TMTC1: variants seen among roughly 807,000 people sequenced by gnomAD.
TMTC1 encodes protein O-mannosyl-transferase TMTC1.
TMTC1 carries 73 observed loss-of-function variants against 104.8 expected under a neutral mutation model. That is an observed-to-expected ratio of 0.70 (90% CI 0.58 to 0.85). The LOEUF is 0.85. Ranked by LOEUF, TMTC1 falls within the 40% of genes least tolerant of loss-of-function variation. The pLI is 0.00. For synonymous variants in TMTC1, 434 were observed against 428.7 expected (o/e 1.01, Z -0.15); for missense variants, 1,035 against 1,096.1 (o/e 0.94, Z 0.79).
chr12:29,571,854 G>A (rs1467140041), intron 9 of TMTC1, among the ~76,000 whole-genome samples: 1 of 152,138 alleles, frequency 6.6e-6, no homozygotes, highest in Middle Eastern at 3.2e-3. Flanking sequence ...AGTTCATCGT[G>A]TAATGTATAG....
At chr12:29,654,986 C>T (rs1485399732) in intron 5 of TMTC1, among the ~76,000 whole-genome samples, 4 of 152,092 alleles carry the variant, frequency 2.6e-5, no homozygotes, top group African/African-American at 4.8e-5. Context: ...CAGGTTCAAG[C>T]GATTCTCCTG....
intron 10 of TMTC1, among the ~76,000 whole-genome samples, chr12:29,543,986 G>A (rs1257747499): frequency 1.3e-5 from 2 of 152,166 alleles, no homozygotes; most frequent in South Asian, 4.1e-4. Context: ...GCTCATGCCT[G>A]TAATCTCAAT....
rs1227981460 is a variant in TMTC1 at position 29,588,213 on chromosome 12, T to A, written c.1251-4639A>T. Among the ~76,000 whole-genome samples, 3 of 152,226 alleles carry A rather than the reference T, an allele frequency of 2.0e-5. No homozygotes were observed. The East Asian group carries it at 5.8e-4, about 29-fold the overall frequency. On this transcript the variant is annotated intron_variant, in intron 7 of 17. Coordinates refer to ENST00000539277, the MANE Select transcript of TMTC1 (RefSeq NM_001193451.2). ...CTGGATTTGATTGCCACAGGTATCT[T>A]GCAAGAGCCTTGCACTTGTCAGAAC...
rs527910414 is a variant in TMTC1, at chr12:29,655,170, C to T, written c.939-21834G>A. Reference sequence around the variant, plus strand: ...TGCTGGGATTACAGGTGTGAGCCACCGCACCTGGCCATATGATTCCATTTC... The same window carrying T: ...TGCTGGGATTACAGGTGTGAGCCACTGCACCTGGCCATATGATTCCATTTC... On this transcript the variant is annotated intron_variant, in intron 5 of 17. Coordinates refer to ENST00000539277, the MANE Select transcript of TMTC1 (RefSeq NM_001193451.2). Among the ~76,000 whole-genome samples, 34 of 152,160 alleles carry T rather than the reference C, an allele frequency of 2.2e-4. 1 individual carries two copies. The Middle Eastern group carries it at 0.014, about 61-fold the overall frequency.
At chr12:29,689,888 C>T (rs543836545) in intron 5 of TMTC1, among the ~76,000 whole-genome samples, 1 of 152,302 alleles carries the variant, frequency 6.6e-6, no homozygotes, top group East Asian at 1.9e-4. Flanking sequence ...TAAATCTTCA[C>T]GTCTCTCTTG....
At chr12:29,763,216 G>A (rs1232019827) in intron 2 of TMTC1, among the ~76,000 whole-genome samples, 1 of 152,218 alleles carries the variant, frequency 6.6e-6, no homozygotes, top group Non-Finnish European at 1.5e-5. Flanking sequence ...TATAAAGAAT[G>A]TAGTGTCCCT....
At chr12:29,726,096 C>T (rs762660320) in intron 5 of TMTC1, among the ~76,000 whole-genome samples, 64 of 152,246 alleles carry the variant, frequency 4.2e-4, no homozygotes, top group African/African-American at 1.4e-3. Flanking sequence ...AAACATACAC[C>T]GTGTTCTGGT....
At chr12:29,732,672 A>T (rs1942575299) in intron 5 of TMTC1, among the ~76,000 whole-genome samples, 1 of 152,130 alleles carries the variant, frequency 6.6e-6, no homozygotes, top group Admixed American at 6.5e-5. Context: ...ACGGGATTTA[A>T]AAAAAATTAC....
At chr12:29,661,187 C>T (rs1244670657) in intron 5 of TMTC1, 1 of 199,594 alleles carries the variant, frequency 5.0e-6, no homozygotes, top group Non-Finnish European at 9.0e-6. Context: ...ATATCTAGAA[C>T]AGGACTCAGC....
At chr12:29,612,966 TG>T (rs1482182249) in intron 6 of TMTC1, among the ~76,000 whole-genome samples, 2 of 152,182 alleles carry the variant, frequency 1.3e-5, no homozygotes, top group African/African-American at 4.8e-5. Flanking sequence ...AGGGGTTCAA[TG>T]AATAAATTAA....
At chr12:29,720,332 G>T (rs1942203529) in intron 5 of TMTC1, among the ~76,000 whole-genome samples, 1 of 152,190 alleles carries the variant, frequency 6.6e-6, no homozygotes, top group Non-Finnish European at 1.5e-5. Flanking sequence ...TCCTGTTTCG[G>T]TGAGTTTCTC....
At chr12:29,681,896 TATGACAG>T in intron 5 of TMTC1, among the ~76,000 whole-genome samples, 1 of 152,186 alleles carries the variant, frequency 6.6e-6, no homozygotes, top group South Asian at 2.1e-4. Flanking sequence ...TTCCTTTACA[TATGACAG>T]TAATTGTTGA....
chr12:29,551,023 A>G (rs1480262065), intron 10 of TMTC1, among the ~76,000 whole-genome samples: 1 of 148,710 alleles, frequency 6.7e-6, no homozygotes, highest in Non-Finnish European at 1.5e-5. Flanking sequence ...ACAAAGATGA[A>G]GGGGAGCAAG....
chr12:29,670,922 G>A (rs1482513916), intron 5 of TMTC1, among the ~76,000 whole-genome samples: 12 of 77,674 alleles, frequency 1.5e-4, no homozygotes, highest in East Asian at 1.1e-3. Context: ...GCCACAGCAC[G>A]AGACTCTGTC....
intron 5 of TMTC1, among the ~76,000 whole-genome samples, chr12:29,673,625 T>G (rs911477409): frequency 6.6e-6 from 1 of 151,514 alleles, no homozygotes; most frequent in African/African-American, 2.4e-5. Context: ...TTAATTATAT[T>G]TATTTATATT....
chr12:29,561,852 C>T (rs927669033), intron 9 of TMTC1, among the ~76,000 whole-genome samples: 1 of 152,018 alleles, frequency 6.6e-6, no homozygotes, highest in Non-Finnish European at 1.5e-5. Context: ...ATTTTCATAC[C>T]ACACATTAAT....
At position 29,768,594 on chromosome 12, in the gene TMTC1, C is replaced by G. The variant is rs1477385143; in HGVS notation, c.303-519G>C. 2.0e-5 allele frequency among the ~76,000 whole-genome samples: 3 copies of G among 152,312 alleles called. No individual in the cohort carries two copies. In the East Asian group the frequency reaches 5.8e-4, roughly 29 times the overall value. ...CCAGGAACCAGGTTTCTAGATTATG[C>G]AGCTGGAAGCATCACCTAATTACCA... On this transcript the variant is annotated intron_variant, in intron 1 of 17. Coordinates refer to ENST00000539277, the MANE Select transcript of TMTC1 (RefSeq NM_001193451.2).
At chr12:29,747,601 C>G (rs2136960707) in intron 5 of TMTC1, among the ~76,000 whole-genome samples, 1 of 152,278 alleles carries the variant, frequency 6.6e-6, no homozygotes, top group South Asian at 2.1e-4. Flanking sequence ...AGTTGAACAA[C>G]AACAAAAAAA....
Position 29,503,276 on chromosome 12 carries a change from C to G in TMTC1, c.*3570G>C, listed in dbSNP as rs908310099. ...ACCCAAAAGGATATATCTCAGGATT[C>G]TCTATAATACAATTTCTTTTCCTCC... On this transcript the variant is annotated 3_prime_UTR_variant, in exon 18 of 18. Transcript: ENST00000539277. 5 of 152,146 alleles carry G rather than the reference C, an allele frequency of 3.3e-5. No individual in the cohort carries two copies. Among genetic ancestry groups the G allele is most frequent in the Non-Finnish European group, 7.4e-5 (5 of 68,026 alleles). 9.4% of individuals were successfully genotyped at this position (152,146 alleles called of 1,614,324 possible).
Sources: gnomAD v4.1 joint callset for allele counts (sites outside exome capture counted in the v4.1 genomes callset) on GRCh38, gnomAD v4.1.1 for gene constraint, MANE v1.5 for transcripts, NCBI Gene and HGNC (gene_info 2026-07-23, HGNC 2026-07-21) for gene names.